The following LRRC7 variants were observed in gnomAD, a reference collection of about 807,000 sequenced individuals.
LRRC7 encodes leucine-rich repeat-containing protein 7.
In LRRC7, 23 loss-of-function variants were observed where a neutral mutation model predicts 175.7. The ratio of observed to expected loss-of-function variants is 0.13; its 90% CI spans 0.09 to 0.19. The LOEUF (loss-of-function observed/expected upper bound fraction) is 0.19, where lower values mean the gene tolerates loss of function less well. LRRC7 is among the 10% of genes least tolerant of loss of function. The pLI, the probability that LRRC7 is intolerant of heterozygous loss-of-function variation, is 1.00. For synonymous variants in LRRC7, 685 were observed against 680.9 expected, an observed-to-expected ratio of 1.01 and a Z score of -0.09; for missense variants, 1,354 against 1,904.7, an observed-to-expected ratio of 0.71 and a Z score of 5.38.
intron 2 of LRRC7, among the ~76,000 whole-genome samples, chr1:69,730,259 C>T (rs1667423019): frequency 6.6e-6 from 1 of 152,186 alleles, no homozygotes; most frequent in Non-Finnish European, 1.5e-5. Flanking sequence ...CATCTGGTTA[C>T]TTATGTAAAT....
At chr1:69,843,143 G>A (rs1200837913) in intron 7 of LRRC7, among the ~76,000 whole-genome samples, 1 of 151,926 alleles carries the variant, frequency 6.6e-6, no homozygotes, top group East Asian at 1.9e-4. Context: ...AGGTTGCAGA[G>A]ATCATGCCAC....
chr1:69,641,216 A>G (rs1190864121), intron 1 of LRRC7, among the ~76,000 whole-genome samples: 1 of 151,678 alleles, frequency 6.6e-6, no homozygotes, highest in East Asian at 1.9e-4. Context: ...GCATATATTT[A>G]TTCCACTTAC....
At chr1:69,873,355 C>A in intron 7 of LRRC7, 1 of 486,222 alleles carries the variant, frequency 2.1e-6, no homozygotes, top group South Asian at 1.5e-5. Flanking sequence ...TACATTAAAA[C>A]AAGTAAACTT....
Position 70,138,840 on chromosome 1 carries a change from T to C in LRRC7, c.*16953T>C, listed in dbSNP as rs952951437. 4.6e-5 allele frequency: 7 copies of C among 152,176 alleles called. No homozygotes were observed. The highest frequency in any genetic ancestry group is 4.6e-4 in the Admixed American group (7 of 15,274). The allele number at this position is 152,176 out of a possible 1,614,324, so 9.4% of individuals were successfully genotyped here. A position where few individuals can be genotyped will look rare whatever the true frequency, so the allele number is the denominator to read the frequency against. ...AAGCTAATCATTTTTAGTTTAATCC[T>C]GACCAGCTAGTCTTCCTCCAGGCAT... On this transcript the variant is annotated 3_prime_UTR_variant, in exon 27 of 27. Coordinates refer to ENST00000651989, the MANE Select transcript of LRRC7 (RefSeq NM_001370785.2).
At chr1:69,584,330 C>G (rs1646321152) in intron 1 of LRRC7, among the ~76,000 whole-genome samples, 1 of 152,126 alleles carries the variant, frequency 6.6e-6, no homozygotes, top group Admixed American at 6.6e-5. Context: ...CTCCGTTACT[C>G]CCTTGCCATC....
At chr1:69,999,187 A>G (rs759194910) in intron 11 of LRRC7, among the ~76,000 whole-genome samples, 58 of 152,218 alleles carry the variant, frequency 3.8e-4, no homozygotes, top group Non-Finnish European at 6.6e-4. Flanking sequence ...GAGCTGTTTA[A>G]ATAGTGACCT....
intron 26 of LRRC7, among the ~76,000 whole-genome samples, chr1:70,121,542 A>C (rs1666209356): frequency 6.6e-6 from 1 of 152,096 alleles, no homozygotes; most frequent in Admixed American, 6.5e-5. Flanking sequence ...TGACCAGGGT[A>C]TCTTGATGAT....
intron 24 of LRRC7, among the ~76,000 whole-genome samples, chr1:70,079,726 T>C (rs1663071766): frequency 2.6e-5 from 4 of 152,214 alleles, no homozygotes; most frequent in Admixed American, 2.6e-4. Flanking sequence ...GCATGTGACC[T>C]GTAGAGTTGC....
intron 3 of LRRC7, among the ~76,000 whole-genome samples, chr1:69,778,949 C>T (rs1673150821): frequency 7.2e-6 from 1 of 138,086 alleles, no homozygotes; most frequent in Non-Finnish European, 1.5e-5. Context: ...CACATATATA[C>T]ACACACACAA....
chr1:70,013,129 G>T (rs1656661532), intron 13 of LRRC7, 40 bp downstream of exon 13: 1 of 1,249,534 alleles, frequency 8.0e-7, no homozygotes, highest in Non-Finnish European at 1.1e-6. Flanking sequence ...TTAGTTATTT[G>T]CTGAAAGCAA....
At chr1:69,660,470 A>G (rs1053130553) in intron 1 of LRRC7, among the ~76,000 whole-genome samples, 4 of 152,124 alleles carry the variant, frequency 2.6e-5, no homozygotes, top group Admixed American at 2.6e-4. Context: ...AAACGTAGAT[A>G]AAAGCCGATG....
intron 1 of LRRC7, among the ~76,000 whole-genome samples, chr1:69,673,177 A>C (rs911396870): frequency 6.6e-6 from 1 of 152,214 alleles, no homozygotes; most frequent in Admixed American, 6.5e-5. Flanking sequence ...AAAAGAAAAC[A>C]TCAACTAGGA....
chr1:69,580,850 A>G (rs902863053), intron 1 of LRRC7, among the ~76,000 whole-genome samples: 15 of 152,242 alleles, frequency 9.9e-5, no homozygotes, highest in Non-Finnish European at 1.5e-5. Flanking sequence ...GAAGAAAAAG[A>G]CCAAGGTACT....
intron 1 of LRRC7, among the ~76,000 whole-genome samples, chr1:69,671,207 G>A (rs756495574): frequency 6.6e-6 from 1 of 152,086 alleles, no homozygotes; most frequent in Non-Finnish European, 1.5e-5. Context: ...GGGCCCAGGG[G>A]CACTTTAGTC....
intron 26 of LRRC7, among the ~76,000 whole-genome samples, chr1:70,112,230 G>A (rs932621607): frequency 1.3e-5 from 2 of 152,100 alleles, no homozygotes; most frequent in African/African-American, 4.8e-5. Context: ...CATTATTATT[G>A]CACTTTTTTT....
chr1:70,044,121 C>A, intron 22 of LRRC7, 27 bp downstream of exon 22: 1 of 1,603,786 alleles, frequency 6.2e-7, no homozygotes, highest in South Asian at 1.1e-5. Flanking sequence ...CTACATGTGT[C>A]AGCATACCAA....
At chr1:69,991,758 T>G (rs925494247) in intron 10 of LRRC7, among the ~76,000 whole-genome samples, 4 of 152,168 alleles carry the variant, frequency 2.6e-5, no homozygotes, top group African/African-American at 9.7e-5. Context: ...AATCTTTACT[T>G]TCTTCATGCC....
intron 4 of LRRC7, among the ~76,000 whole-genome samples, chr1:69,803,829 T>G (rs889026320): frequency 3.3e-5 from 5 of 151,358 alleles, no homozygotes; most frequent in Admixed American, 6.6e-5. Flanking sequence ...CTTTCATAAA[T>G]CTCTACTACA....
At chr1:69,775,428 G>A (rs1262380338) in intron 3 of LRRC7, among the ~76,000 whole-genome samples, 2 of 152,162 alleles carry the variant, frequency 1.3e-5, no homozygotes, top group African/African-American at 2.4e-5. Context: ...CTAGAAGTGA[G>A]TCCAAATTGC....
Sources: gnomAD v4.1 joint callset for allele counts (sites outside exome capture counted in the v4.1 genomes callset) on GRCh38, gnomAD v4.1.1 for gene constraint, MANE v1.5 for transcripts, NCBI Gene and HGNC (gene_info 2026-07-23, HGNC 2026-07-21) for gene names.